ASAP1: variants seen among roughly 807,000 people sequenced by gnomAD.
The protein encoded by ASAP1 is arf-GAP with SH3 domain, ANK repeat and PH domain-containing protein 1.
A neutral mutation model predicts 145.2 loss-of-function variants in ASAP1; 43 were observed. The observed-to-expected ratio is 0.30, with a 90% CI of 0.23 to 0.38. ASAP1 has a LOEUF of 0.38. Ranked by LOEUF, ASAP1 falls within the 10% of genes least tolerant of loss-of-function variation. The probability of loss-of-function intolerance (pLI) is 1.00; values close to 1 mark genes in which losing one functional copy is unlikely to be tolerated. For synonymous variants in ASAP1, 546 were observed against 515.5 expected, an observed-to-expected ratio of 1.06 and a Z score of -0.80; for missense variants, 1,018 against 1,355.3, an observed-to-expected ratio of 0.75 and a Z score of 3.91.
chr8:130,085,948 T>C (rs565871258), intron 25 of ASAP1, among the ~76,000 whole-genome samples: 3 of 152,134 alleles, frequency 2.0e-5, no homozygotes, highest in Admixed American at 6.5e-5. Flanking sequence ...GTGGATGTTG[T>C]GGTTCTGGCA....
At chr8:130,349,755 C>A (rs1187419084) in intron 3 of ASAP1, among the ~76,000 whole-genome samples, 1 of 152,198 alleles carries the variant, frequency 6.6e-6, no homozygotes, top group Non-Finnish European at 1.5e-5. Context: ...GACCTTGACA[C>A]CCATAGGGAC....
At chr8:130,181,217 C>A (rs1411469146) in intron 7 of ASAP1, among the ~76,000 whole-genome samples, 1 of 152,184 alleles carries the variant, frequency 6.6e-6, no homozygotes, top group African/African-American at 2.4e-5. Context: ...TAGAATCAAT[C>A]AGAAGTAAAA....
At chr8:130,075,572 G>T (rs1035427467) in intron 27 of ASAP1, among the ~76,000 whole-genome samples, 1 of 152,160 alleles carries the variant, frequency 6.6e-6, no homozygotes, top group Non-Finnish European at 1.5e-5. Context: ...TGCTGGCCTT[G>T]CAGGCTTATA....
chr8:130,222,055 C>T (rs921098907), intron 4 of ASAP1, among the ~76,000 whole-genome samples: 3 of 152,176 alleles, frequency 2.0e-5, no homozygotes, highest in Admixed American at 6.5e-5. Flanking sequence ...CCTTTTACCC[C>T]GTGGACAGGA....
intron 3 of ASAP1, among the ~76,000 whole-genome samples, chr8:130,271,144 C>T (rs922401986): frequency 3.3e-5 from 5 of 152,180 alleles, no homozygotes; most frequent in African/African-American, 1.2e-4. Flanking sequence ...CTTCTCATTC[C>T]CAAGTCTTTA....
chr8:130,393,034 G>C (rs902393678), intron 2 of ASAP1, among the ~76,000 whole-genome samples: 3 of 151,942 alleles, frequency 2.0e-5, no homozygotes, highest in South Asian at 4.1e-4. Context: ...TTTTTAACAT[G>C]ACAGTTATAT....
Position 130,188,177 on chromosome 8 carries a change from C to T in ASAP1, c.412G>A (p.Gly138Ser). The stretch of plus-strand genomic sequence containing the variant: ...GTGAAGATCACATTGTGGCTCAAAC[C>T]CTGGAGCTGAAAAAGCAAAGGGAAG... ...LSTLLKNLLQ[G>S]LSHNVIFTLD... Residue 138 changes from glycine (G) to serine (S), a missense_variant, in exon 6 of 30, where the codon GGT (glycine) becomes AGT (serine). Around this residue, in one of 9 missense-constraint regions of ASAP1, gnomAD observed 78 missense variants for 161.0 expected, o/e 0.48. Transcript: ENST00000518721. 1 of 1,613,574 alleles carries T rather than the reference C, an allele frequency of 6.2e-7. No homozygotes were observed. The highest frequency in any genetic ancestry group is 8.5e-7 in the Non-Finnish European group (1 of 1,179,716).
intron 4 of ASAP1, among the ~76,000 whole-genome samples, chr8:130,224,548 C>T (rs1817481526): frequency 6.6e-6 from 1 of 151,970 alleles, no homozygotes; most frequent in Admixed American, 6.6e-5. Flanking sequence ...AAGATATACA[C>T]ACACATACAG....
intron 2 of ASAP1, among the ~76,000 whole-genome samples, chr8:130,359,792 T>A (rs978535748): frequency 1.3e-5 from 2 of 149,642 alleles, no homozygotes; most frequent in African/African-American, 4.9e-5. Context: ...CCCGGCTAAT[T>A]TTTTGTATTT....
At chr8:130,070,244 A>G (rs916526937) in intron 27 of ASAP1, among the ~76,000 whole-genome samples, 3 of 152,100 alleles carry the variant, frequency 2.0e-5, no homozygotes, top group African/African-American at 2.4e-5. Flanking sequence ...TCACCGTGTT[A>G]GCCAGGATGG....
Position 130,287,300 on chromosome 8 carries a change from T to A in ASAP1, c.187-50306A>T, listed in dbSNP as rs547820066. ...TTGATGGATGGATGTTGGGGGATAA[T>A]AAAAGATAAGATAGGGTAGGTAAGG... On this transcript the variant is annotated intron_variant, in intron 3 of 29. Transcript: ENST00000518721. 3.3e-5 allele frequency among the ~76,000 whole-genome samples: 5 copies of A among 152,174 alleles called. No individual in the cohort carries two copies. In the South Asian group the frequency reaches 1.0e-3, roughly 32 times the overall value.
intron 2 of ASAP1, among the ~76,000 whole-genome samples, chr8:130,387,733 A>C (rs116877677): frequency 0.017 from 2,617 of 151,828 alleles, 38 homozygotes; most frequent in East Asian, 0.053. Context: ...TGTCTAGTCC[A>C]TGAAAGGATT....
intron 24 of ASAP1, among the ~76,000 whole-genome samples, chr8:130,111,011 T>C (rs951544284): frequency 3.3e-5 from 5 of 151,980 alleles, no homozygotes; most frequent in Non-Finnish European, 5.9e-5. Flanking sequence ...GGCAACACTT[T>C]AATGGTAGCC....
At chr8:130,394,652 G>A (rs569113058) in intron 2 of ASAP1, among the ~76,000 whole-genome samples, 22 of 152,152 alleles carry the variant, frequency 1.4e-4, no homozygotes, top group Non-Finnish European at 2.5e-4. Context: ...CTGGTTTTGC[G>A]GCTTGTGGGG....
intron 3 of ASAP1, among the ~76,000 whole-genome samples, chr8:130,258,847 TTTC>T (rs1215176370): frequency 6.6e-6 from 1 of 152,202 alleles, no homozygotes; most frequent in African/African-American, 2.4e-5. Context: ...GATTTGCTGA[TTTC>T]TTCCCTGCAA....
rs541189021 is a variant in ASAP1, at chr8:130,297,729, G to C, written c.186+60288C>G. Among the ~76,000 whole-genome samples, 9 of 152,296 alleles carry C rather than the reference G, an allele frequency of 5.9e-5. No individual in the cohort carries two copies. The South Asian group carries it at 1.7e-3, about 28-fold the overall frequency. On this transcript the variant is annotated intron_variant, in intron 3 of 29. Coordinates refer to ENST00000518721, the MANE Select transcript of ASAP1 (RefSeq NM_018482.4). ...AGAGACAAAGAAAACAAAGCGGGGGGGCGGGGAGCAGAGGTAGAGCTGGAA... is the reference window on the plus strand; with the variant it reads ...AGAGACAAAGAAAACAAAGCGGGGGCGCGGGGAGCAGAGGTAGAGCTGGAA...
intron 2 of ASAP1, among the ~76,000 whole-genome samples, chr8:130,400,824 A>G (rs1433814132): frequency 6.6e-6 from 1 of 151,348 alleles, no homozygotes; most frequent in African/African-American, 2.4e-5. Flanking sequence ...GTCCTGCAGT[A>G]AGGGAAAATT....
chr8:130,075,802 T>C (rs1414934056), intron 27 of ASAP1, among the ~76,000 whole-genome samples: 3 of 152,232 alleles, frequency 2.0e-5, no homozygotes, highest in African/African-American at 4.8e-5. Flanking sequence ...TTATAGACAC[T>C]GCTTTCTTGT....
chr8:130,351,992 T>C (rs983261706), intron 3 of ASAP1, among the ~76,000 whole-genome samples: 1 of 152,326 alleles, frequency 6.6e-6, no homozygotes, highest in African/African-American at 2.4e-5. Context: ...TCACTGACCT[T>C]TGCTGGTTTC....
Sources: gnomAD v4.1 joint callset for allele counts (sites outside exome capture counted in the v4.1 genomes callset) on GRCh38, gnomAD v4.1.1 for gene constraint, gnomAD v4.1.1 regional missense constraint, MANE v1.5 for transcripts, NCBI Gene and HGNC (gene_info 2026-07-23, HGNC 2026-07-21) for gene names.